Variants in ATXN10 observed in about 807,000 individuals in gnomAD.
ATXN10 encodes ataxin 10, also known as ataxin-10.
A neutral mutation model predicts 52.9 loss-of-function variants in ATXN10; 28 were observed. The ratio of observed to expected loss-of-function variants is 0.53; its 90% confidence interval spans 0.39 to 0.73. The LOEUF (loss-of-function observed/expected upper bound fraction) is 0.73, where lower values mean the gene tolerates loss of function less well. Ranked by LOEUF, ATXN10 falls within the 30% of genes least tolerant of loss-of-function variation. The pLI is 0.00. For synonymous variants in ATXN10, 226 were observed against 221.5 expected (o/e 1.02, Z -0.18); for missense variants, 565 against 577.0 (o/e 0.98, Z 0.21).
chr22:45,693,670 C>A (rs970577985), intron 3 of ATXN10, among the ~76,000 whole-genome samples: 3 of 152,110 alleles, frequency 2.0e-5, no homozygotes, highest in African/African-American at 7.2e-5. Context: ...GGTCCTAACC[C>A]CCAATACCCA....
In ATXN10 at chr22:45,677,827, A is replaced by T. The variant is rs1922763486; in HGVS notation, c.116+5648A>T. ...TGGAAAAGAACAAGTATCGTTGAGG[A>T]TGTGGGGAAATGGGAACCCTTGTGT... On this transcript the variant is annotated intron_variant, in intron 1 of 11. Coordinates refer to ENST00000252934, the MANE Select transcript of ATXN10 (RefSeq NM_013236.4). The surrounding 1 kb of genome is among the most constrained non-coding windows in gnomAD (Gnocchi z 4.1). 6.6e-6 allele frequency: 1 copy of T among 152,192 alleles called. No homozygotes were observed. Among genetic ancestry groups the T allele is most frequent in the Non-Finnish European group, 1.5e-5 (1 of 68,038 alleles). The allele number at this position is 152,192 out of a possible 1,614,324, so 9.4% of individuals were successfully genotyped here.
In ATXN10 at chr22:45,806,745, A is replaced by AT. The variant is rs886937787; in HGVS notation, c.1174-205dup. On this transcript the variant is annotated intron_variant, in intron 9 of 11. Coordinates refer to ENST00000252934, the MANE Select transcript of ATXN10 (RefSeq NM_013236.4). Reference sequence around the variant, plus strand: ...TATATGGCTACCTACTTGCCCCAATATTTTTTTTTGAAGTCCAGTGAAAAT... The same window carrying AT: ...TATATGGCTACCTACTTGCCCCAATATTTTTTTTTTGAAGTCCAGTGAAAAT... Among the ~76,000 whole-genome samples, 37 of 151,198 alleles carry AT rather than the reference A, an allele frequency of 2.4e-4. No homozygotes were observed. In the East Asian group the frequency reaches 2.7e-3, roughly 11 times the overall value.
At chr22:45,809,088 T>C (rs1454747990) in intron 10 of ATXN10, among the ~76,000 whole-genome samples, 1 of 152,236 alleles carries the variant, frequency 6.6e-6, no homozygotes, top group Non-Finnish European at 1.5e-5. Flanking sequence ...GGTAGTTGAA[T>C]GGTCAGAAAC....
intron 7 of ATXN10, among the ~76,000 whole-genome samples, chr22:45,731,389 A>G (rs148462900): frequency 3.1e-4 from 47 of 152,352 alleles, no homozygotes; most frequent in Admixed American, 2.8e-3. Flanking sequence ...GGATAGTAGA[A>G]TGTGGCACTT....
chr22:45,796,619 G>A (rs1044587382), intron 9 of ATXN10, among the ~76,000 whole-genome samples: 7 of 152,148 alleles, frequency 4.6e-5, no homozygotes, highest in East Asian at 1.9e-4. Context: ...TTCTCAGACC[G>A]GCCGACACTT....
intron 1 of ATXN10, among the ~76,000 whole-genome samples, chr22:45,682,993 A>G (rs1464213534): frequency 6.6e-6 from 1 of 152,136 alleles, no homozygotes; most frequent in East Asian, 1.9e-4. Context: ...TCCTTTTAAC[A>G]TGTAAGTCAG....
chr22:45,694,043 C>T (rs1373185967), intron 3 of ATXN10, among the ~76,000 whole-genome samples: 1 of 151,988 alleles, frequency 6.6e-6, no homozygotes, highest in East Asian at 1.9e-4. Flanking sequence ...AAGTGTCTGT[C>T]CTTAGAGAAC....
At position 45,728,415 on chromosome 22, in the gene ATXN10, C is replaced by G. The variant is rs1924960969; in HGVS notation, c.729-1010C>G. On this transcript the variant is annotated intron_variant, in intron 6 of 11. Coordinates refer to ENST00000252934, the MANE Select transcript of ATXN10 (RefSeq NM_013236.4). This position sits in a 1 kb window ranked among gnomAD's most constrained non-coding sequence, Gnocchi z 4.3. The stretch of plus-strand genomic sequence containing the variant: ...TAGGAGTTTTGAGAATTGCTAAGGT[C>G]TGTAGGTGATTTTTCCAGACTGATG... 6.6e-6 allele frequency among the ~76,000 whole-genome samples: 1 copy of G among 152,146 alleles called. No individual in the cohort carries two copies. Among genetic ancestry groups the G allele is most frequent in the Admixed American group, 6.5e-5 (1 of 15,276 alleles).
chr22:45,719,040 T>C (rs911600836), intron 6 of ATXN10, among the ~76,000 whole-genome samples: 2 of 151,674 alleles, frequency 1.3e-5, no homozygotes, highest in African/African-American at 4.8e-5. Flanking sequence ...TTCAGGTTCG[T>C]GTGTGTGTGT....
chr22:45,833,993 A>T lies in ATXN10; in HGVS notation c.1238-8998A>T, dbSNP rs1281078648. 6.6e-6 allele frequency among the ~76,000 whole-genome samples: 1 copy of T among 152,234 alleles called. No homozygotes were observed. The highest frequency in any genetic ancestry group is 6.5e-5 in the Admixed American group (1 of 15,292). On this transcript the variant is annotated intron_variant, in intron 10 of 11. Transcript: ENST00000252934. This position sits in a 1 kb window ranked among gnomAD's most constrained non-coding sequence, Gnocchi z 4.3. Reference sequence around the variant, plus strand: ...AAGTTTTCTCATCAGTAGAATGAGGATAGTAACGAACATCTACCGCATAGA... The same window carrying T: ...AAGTTTTCTCATCAGTAGAATGAGGTTAGTAACGAACATCTACCGCATAGA...
In ATXN10 at chr22:45,837,933, T is replaced by C. The variant is rs988634824; in HGVS notation, c.1238-5058T>C. Reference sequence around the variant, plus strand: ...CTGACCCCTGTTCTTAGCAGTCTTCTAAACACCGACAGAGCAGTGACCAGA... The same window carrying C: ...CTGACCCCTGTTCTTAGCAGTCTTCCAAACACCGACAGAGCAGTGACCAGA... On this transcript the variant is annotated intron_variant, in intron 10 of 11. Coordinates refer to ENST00000252934, the MANE Select transcript of ATXN10 (RefSeq NM_013236.4). This position sits in a 1 kb window ranked among gnomAD's most constrained non-coding sequence, Gnocchi z 5.8. Among the ~76,000 whole-genome samples, 19 of 152,242 alleles carry C rather than the reference T, an allele frequency of 1.2e-4. No individual in the cohort carries two copies. Among genetic ancestry groups the C allele is most frequent in the African/African-American group, 4.3e-4 (18 of 41,464 alleles).
intron 9 of ATXN10, 170 bp downstream of exon 9, chr22:45,740,708 A>G: frequency 2.4e-6 from 1 of 421,850 alleles, no homozygotes; most frequent in South Asian, 2.5e-5. Context: ...ACACACACAC[A>G]CACACACACA....
chr22:45,745,799 A>C (rs1421594490), intron 9 of ATXN10, among the ~76,000 whole-genome samples: 2 of 152,190 alleles, frequency 1.3e-5, no homozygotes, highest in Non-Finnish European at 2.9e-5. Context: ...TGAATGTTGA[A>C]TGTTTACTAC....
rs911094965 is a variant in ATXN10 at position 45,769,262 on chromosome 22, C to T, written c.1173+28724C>T. On this transcript the variant is annotated intron_variant, in intron 9 of 11. Coordinates refer to ENST00000252934, the MANE Select transcript of ATXN10 (RefSeq NM_013236.4). The surrounding 1 kb of genome is among the most constrained non-coding windows in gnomAD (Gnocchi z 4.2). ...AAAGGCAGCTTTATCAAAAGAGTAACGTGTGCAGATGGGCGCCGTTCATCC... is the reference window on the plus strand; with the variant it reads ...AAAGGCAGCTTTATCAAAAGAGTAATGTGTGCAGATGGGCGCCGTTCATCC... 2.0e-5 allele frequency among the ~76,000 whole-genome samples: 3 copies of T among 152,056 alleles called. No individual in the cohort carries two copies. Among genetic ancestry groups the T allele is most frequent in the South Asian group, 2.1e-4 (1 of 4,818 alleles).
In ATXN10 at chr22:45,781,018, G is replaced by T. The variant is rs752411463; in HGVS notation, c.1174-25941G>T. On this transcript the variant is annotated intron_variant, in intron 9 of 11. Coordinates refer to ENST00000252934, the MANE Select transcript of ATXN10 (RefSeq NM_013236.4). This position sits in a 1 kb window ranked among gnomAD's most constrained non-coding sequence, Gnocchi z 4.2. ...AGCTGTCAACCCAGAAACACCAATG[G>T]GTGCAGACCAGAAAGCCCTGAGGAA... 1.3e-5 allele frequency among the ~76,000 whole-genome samples: 2 copies of T among 152,134 alleles called. No individual in the cohort carries two copies. The highest frequency in any genetic ancestry group is 2.9e-5 in the Non-Finnish European group (2 of 68,022).
chr22:45,818,951 T>C lies in ATXN10; in HGVS notation c.1237+11929T>C, dbSNP rs1203691157. Among the ~76,000 whole-genome samples the C allele has an allele frequency of 6.6e-6, 1 of 152,196 alleles. No homozygotes were observed. Among genetic ancestry groups the C allele is most frequent in the Non-Finnish European group, 1.5e-5 (1 of 68,036 alleles). Reference sequence around the variant, plus strand: ...GCACTGTGTCTCTGGCTTCTTTGCATGCCTAAAACTTGCGTAGTCTGACAC... The same window carrying C: ...GCACTGTGTCTCTGGCTTCTTTGCACGCCTAAAACTTGCGTAGTCTGACAC... On this transcript the variant is annotated intron_variant, in intron 10 of 11. Coordinates refer to ENST00000252934, the MANE Select transcript of ATXN10 (RefSeq NM_013236.4). This position sits in a 1 kb window ranked among gnomAD's most constrained non-coding sequence, Gnocchi z 4.6.
rs1926206174 is a variant in ATXN10, at chr22:45,757,224, G to A, written c.1173+16686G>A. Among the ~76,000 whole-genome samples the A allele has an allele frequency of 6.6e-6, 1 of 152,166 alleles. No individual in the cohort carries two copies. The highest frequency in any genetic ancestry group is 6.5e-5 in the Admixed American group (1 of 15,282). ...CCGACTGGCGGCCTTGGAGCAGTTC[G>A]AAGAGAGGGCGTGTCCTTTGCCTGT... On this transcript the variant is annotated intron_variant, in intron 9 of 11. Transcript: ENST00000252934. The surrounding 1 kb of genome is among the most constrained non-coding windows in gnomAD (Gnocchi z 4.6).
rs1447060694 is a variant in ATXN10, at chr22:45,715,864, A to T, written c.648-2549A>T. On this transcript the variant is annotated intron_variant, in intron 5 of 11. Coordinates refer to ENST00000252934, the MANE Select transcript of ATXN10 (RefSeq NM_013236.4). The surrounding 1 kb of genome is among the most constrained non-coding windows in gnomAD (Gnocchi z 4.4). ...TACTCATAAGATGATTTCTAGAAAAATTCCAAACTTTTGGAAATTAACACA... is the reference window on the plus strand; with the variant it reads ...TACTCATAAGATGATTTCTAGAAAATTTCCAAACTTTTGGAAATTAACACA... Among the ~76,000 whole-genome samples, 1 of 152,236 alleles carries T rather than the reference A, an allele frequency of 6.6e-6. No individual in the cohort carries two copies. Among genetic ancestry groups the T allele is most frequent in the East Asian group, 1.9e-4 (1 of 5,192 alleles).
At chr22:45,791,010 A>C (rs1230757429) in intron 9 of ATXN10, among the ~76,000 whole-genome samples, 1 of 152,084 alleles carries the variant, frequency 6.6e-6, no homozygotes, top group Non-Finnish European at 1.5e-5. Flanking sequence ...ACACACTGTC[A>C]CACCCAGCTA....
Sources: allele counts gnomAD v4.1 joint callset (sites outside exome capture counted in the v4.1 genomes callset), GRCh38; gene constraint gnomAD v4.1.1; non-coding constraint Gnocchi (gnomAD v3.1); transcripts MANE v1.5; gene names NCBI Gene and HGNC (gene_info 2026-07-23, HGNC 2026-07-21).